SGMS1: variants seen among roughly 807,000 people sequenced by gnomAD.
The protein encoded by SGMS1 is sphingomyelin synthase 1.
A neutral mutation model predicts 46.2 loss-of-function variants in SGMS1; 13 were observed. That is an observed-to-expected ratio of 0.28 (90% confidence interval 0.18 to 0.45). The LOEUF is 0.45. Among genes scored for constraint, SGMS1 ranks in the 20% least tolerant of loss-of-function variants. The probability of loss-of-function intolerance (pLI) is 1.00; values close to 1 mark genes in which losing one functional copy is unlikely to be tolerated. For missense variants in SGMS1, 324 were observed against 519.9 expected, an observed-to-expected ratio of 0.62 and a Z score of 3.66; for synonymous variants, 203 against 187.8, an observed-to-expected ratio of 1.08 and a Z score of -0.66.
intron 7 of SGMS1, chr10:50,340,562 T>A (rs1847800789): frequency 6.6e-6 from 1 of 152,050 alleles, no homozygotes; most frequent in South Asian, 2.1e-4. Context: ...GTCATGGAAA[T>A]CCCATGTGGA....
At chr10:50,484,794 C>A (rs180752348) in intron 3 of SGMS1, among the ~76,000 whole-genome samples, 8 of 152,172 alleles carry the variant, frequency 5.3e-5, no homozygotes, top group African/African-American at 7.2e-5. Context: ...AAGACAAAAA[C>A]CACATGATTA....
intron 7 of SGMS1, among the ~76,000 whole-genome samples, chr10:50,332,104 T>C (rs1384838272): frequency 1.3e-5 from 2 of 152,204 alleles, no homozygotes; most frequent in African/African-American, 4.8e-5. Flanking sequence ...CTCATTTTAA[T>C]AAAATCCAAA....
chr10:50,469,948 C>G (rs1213300641), intron 3 of SGMS1, among the ~76,000 whole-genome samples: 1 of 152,214 alleles, frequency 6.6e-6, no homozygotes, highest in Non-Finnish European at 1.5e-5. Context: ...AAACTTATTA[C>G]TTCCTCTTAG....
At chr10:50,356,974 G>A (rs2133401600) in intron 6 of SGMS1, among the ~76,000 whole-genome samples, 2 of 151,998 alleles carry the variant, frequency 1.3e-5, no homozygotes, top group Middle Eastern at 6.8e-3. Context: ...GCTAAATGAC[G>A]AGTTAATGGG....
intron 6 of SGMS1, among the ~76,000 whole-genome samples, chr10:50,373,769 T>G (rs1302743512): frequency 6.6e-6 from 1 of 152,212 alleles, no homozygotes; most frequent in African/African-American, 2.4e-5. Context: ...ATCTAGCACC[T>G]AGAAATACCC....
intron 6 of SGMS1, among the ~76,000 whole-genome samples, chr10:50,349,312 A>T (rs997384811): frequency 3.3e-5 from 5 of 152,218 alleles, no homozygotes; most frequent in African/African-American, 1.2e-4. Context: ...TCCACTTCAT[A>T]ATCCTTTTCT....
At chr10:50,321,605 A>G (rs1847445807) in intron 8 of SGMS1, among the ~76,000 whole-genome samples, 2 of 152,246 alleles carry the variant, frequency 1.3e-5, no homozygotes, top group Admixed American at 1.3e-4. Flanking sequence ...CAGAAACTGG[A>G]AGACCAGCAG....
intron 1 of SGMS1, among the ~76,000 whole-genome samples, chr10:50,615,547 C>A (rs1838788744): frequency 6.6e-6 from 1 of 152,168 alleles, no homozygotes; most frequent in Admixed American, 6.5e-5. Flanking sequence ...GATCCAAACC[C>A]AGGGTCCAGG....
At chr10:50,365,255 C>CA (rs67951872) in intron 6 of SGMS1, among the ~76,000 whole-genome samples, 2,974 of 44,460 alleles carry the variant, frequency 0.067, 149 homozygotes, top group African/African-American at 0.15. Flanking sequence ...TCCATCTCAC[C>CA]AAAAAAAAAA....
intron 5 of SGMS1, among the ~76,000 whole-genome samples, chr10:50,448,169 G>T (rs962502842): frequency 2.0e-5 from 3 of 151,692 alleles, no homozygotes; most frequent in African/African-American, 7.3e-5. Flanking sequence ...GATCACTTGG[G>T]CCCAAGAGGT....
At position 50,608,980 on chromosome 10, in the gene SGMS1, A is replaced by G. The variant is rs775129897; in HGVS notation, c.-684+14727T>C. Among the ~76,000 whole-genome samples, 3 of 152,034 alleles carry G rather than the reference A, an allele frequency of 2.0e-5. No individual in the cohort carries two copies. In the South Asian group the frequency reaches 6.2e-4, roughly 31 times the overall value. On this transcript the variant is annotated intron_variant, in intron 1 of 10. Transcript: ENST00000361781. ...GCTGGGTAAATAGTTGTTATGCTAT[A>G]ATTTTTTGTTTTTTGTTTTTTTGAC...
chr10:50,491,297 G>A (rs1837565820), intron 3 of SGMS1, among the ~76,000 whole-genome samples: 1 of 152,202 alleles, frequency 6.6e-6, no homozygotes, highest in Non-Finnish European at 1.5e-5. Flanking sequence ...AGGCTATAGT[G>A]AGCTATGACA....
intron 6 of SGMS1, among the ~76,000 whole-genome samples, chr10:50,412,098 T>C (rs547920512): frequency 1.3e-5 from 2 of 152,246 alleles, no homozygotes; most frequent in African/African-American, 4.8e-5. Context: ...GTCCCAATGA[T>C]GTGAGGGGAC....
chr10:50,316,164 C>T (rs145038727), intron 8 of SGMS1, among the ~76,000 whole-genome samples: 73 of 152,258 alleles, frequency 4.8e-4, no homozygotes, highest in Non-Finnish European at 7.9e-4. Flanking sequence ...GTACTTCAGC[C>T]CCATTAGGAG....
chr10:50,448,958 G>A (rs1414066432), intron 5 of SGMS1, among the ~76,000 whole-genome samples: 1 of 151,890 alleles, frequency 6.6e-6, no homozygotes, highest in African/African-American at 2.4e-5. Flanking sequence ...ATATGAAAAG[G>A]GCTCCACATA....
At chr10:50,547,097 C>T (rs191893663) in intron 2 of SGMS1, among the ~76,000 whole-genome samples, 5 of 152,202 alleles carry the variant, frequency 3.3e-5, no homozygotes, top group African/African-American at 7.2e-5. Flanking sequence ...CTCTATATCA[C>T]TAAATTAATT....
chr10:50,320,675 A>G (rs1307296667), intron 8 of SGMS1, among the ~76,000 whole-genome samples: 4 of 152,222 alleles, frequency 2.6e-5, no homozygotes, highest in African/African-American at 7.2e-5. Context: ...CACTTGCTCC[A>G]TAAGATCCCA....
intron 6 of SGMS1, among the ~76,000 whole-genome samples, chr10:50,402,592 T>C (rs1848957413): frequency 6.6e-6 from 1 of 152,210 alleles, no homozygotes; most frequent in Non-Finnish European, 1.5e-5. Context: ...ATTTGAATTG[T>C]GAGGAAATCT....
chr10:50,512,139 C>A (rs1190563794), intron 3 of SGMS1, among the ~76,000 whole-genome samples: 2 of 152,038 alleles, frequency 1.3e-5, no homozygotes, highest in African/African-American at 4.8e-5. Flanking sequence ...GAAGGCTATC[C>A]GGTTCAAGAA....
Sources: allele counts gnomAD v4.1 joint callset (sites outside exome capture counted in the v4.1 genomes callset), GRCh38; gene constraint gnomAD v4.1.1; transcripts MANE v1.5; gene names NCBI Gene and HGNC (gene_info 2026-07-23, HGNC 2026-07-21).